Variants in PPP2R5C observed in about 807,000 individuals in gnomAD.
The protein encoded by PPP2R5C is serine/threonine-protein phosphatase 2A 56 kDa regulatory subunit gamma isoform.
Under a neutral mutation model 68.9 loss-of-function variants are expected in PPP2R5C, and 7 were observed. That is an observed-to-expected ratio of 0.10 (90% CI 0.06 to 0.19). PPP2R5C has a LOEUF of 0.19. PPP2R5C is among the 10% of genes least tolerant of loss of function. The pLI, the probability that PPP2R5C is intolerant of heterozygous loss-of-function variation, is 1.00. For missense variants in PPP2R5C, 348 were observed against 641.3 expected (o/e 0.54, Z 4.94); for synonymous variants, 210 against 222.2 (o/e 0.95, Z 0.49).
chr14:101,880,709 A>T (rs2044111430), intron 2 of PPP2R5C, among the ~76,000 whole-genome samples: 1 of 152,078 alleles, frequency 6.6e-6, no homozygotes, highest in Non-Finnish European at 1.5e-5. Context: ...GGGCAGGAGG[A>T]TCGTGTGAAC....
chr14:101,791,007 G>A (rs139505271), intron 3 of PPP2R5C, among the ~76,000 whole-genome samples: 1,989 of 151,552 alleles, frequency 0.013, 42 homozygotes, highest in African/African-American at 0.045. Context: ...TTGAACCTGG[G>A]AAGTGGAGGT....
intron 2 of PPP2R5C, among the ~76,000 whole-genome samples, chr14:101,871,457 A>T (rs2140779249): frequency 6.6e-6 from 1 of 152,088 alleles, no homozygotes; most frequent in African/African-American, 2.4e-5. Context: ...GTTAGCCAGG[A>T]TGGTCTCGAT....
rs1257483646 is a variant in PPP2R5C, at chr14:101,879,794, G to A, written c.295-2367G>A. The stretch of plus-strand genomic sequence containing the variant: ...TTCACGAATGCCACACTCCCCGTAG[G>A]AGCTAAAGACTCAATTCAGACTTTC... On this transcript the variant is annotated intron_variant, in intron 2 of 13. Transcript: ENST00000334743. This position sits in a 1 kb window ranked among gnomAD's most constrained non-coding sequence, Gnocchi z 4.2. Among the ~76,000 whole-genome samples, 2 of 152,240 alleles carry A rather than the reference G, an allele frequency of 1.3e-5. No homozygotes were observed. Among genetic ancestry groups the A allele is most frequent in the African/African-American group, 4.8e-5 (2 of 41,460 alleles).
rs138414126 is a variant in PPP2R5C at position 101,916,232 on chromosome 14, C to T, written c.1327-1599C>T. On this transcript the variant is annotated intron_variant, in intron 12 of 13. Transcript: ENST00000334743. This position sits in a 1 kb window ranked among gnomAD's most constrained non-coding sequence, Gnocchi z 5.5. The stretch of plus-strand genomic sequence containing the variant: ...GATGTGTGGAGATCGTGGTGCTGGG[C>T]GGAGCTGTGGGAGTGAAGGCACAGG... Among the ~76,000 whole-genome samples, 138 of 152,102 alleles carry T rather than the reference C, an allele frequency of 9.1e-4. No homozygotes were observed. Among genetic ancestry groups the T allele is most frequent in the Non-Finnish European group, 1.7e-3 (114 of 67,984 alleles).
At chr14:101,815,815 G>GCC (rs1433505626) in intron 1 of PPP2R5C, among the ~76,000 whole-genome samples, 1 of 152,134 alleles carries the variant, frequency 6.6e-6, no homozygotes, top group Non-Finnish European at 1.5e-5. Context: ...GATTACAGGT[G>GCC]CATGCCACCA....
rs111842394 is a variant in PPP2R5C at position 101,899,092 on chromosome 14, T to C, written c.853-2627T>C. Among the ~76,000 whole-genome samples, 451 of 152,334 alleles carry C rather than the reference T, an allele frequency of 3.0e-3. No homozygotes were observed. The highest frequency in any genetic ancestry group is 0.01 in the African/African-American group (421 of 41,570). Reference sequence around the variant, plus strand: ...GTGTTGCCCCATTTGTAGCCTGTAATTAGTATTTTTCATTTGCTAATTGTG... The same window carrying C: ...GTGTTGCCCCATTTGTAGCCTGTAACTAGTATTTTTCATTTGCTAATTGTG... On this transcript the variant is annotated intron_variant, in intron 8 of 13. Coordinates refer to ENST00000334743, the Ensembl canonical transcript of PPP2R5C. The surrounding 1 kb of genome is among the most constrained non-coding windows in gnomAD (Gnocchi z 4.2).
At chr14:101,760,653 G>C, upstream of PPP2R5C, 1 of 943,708 alleles carries the variant, frequency 1.1e-6, no homozygotes, top group Non-Finnish European at 1.3e-6. Flanking sequence ...ACTGCGGAGG[G>C]CGGGACCAAC....
upstream of PPP2R5C, among the ~76,000 whole-genome samples, chr14:101,806,242 A>C (rs1373405756): frequency 6.6e-6 from 1 of 151,792 alleles, no homozygotes; most frequent in Non-Finnish European, 1.5e-5. Flanking sequence ...TATTTGTCCA[A>C]ATGCTCTCCC....
intron 1 of PPP2R5C, chr14:101,839,615 G>A (rs1595339163): frequency 6.6e-6 from 1 of 152,368 alleles, no homozygotes; most frequent in African/African-American, 2.4e-5. Flanking sequence ...TGTCGTTTTA[G>A]TGAGGTTTCA....
intron 1 of PPP2R5C, among the ~76,000 whole-genome samples, chr14:101,828,283 CT>C (rs1383025891): frequency 6.6e-6 from 1 of 152,054 alleles, no homozygotes; most frequent in African/African-American, 2.4e-5. Flanking sequence ...ATGGGGAGTT[CT>C]TCTAGGATCA....
rs2046491857 is a variant in PPP2R5C at position 101,913,322 on chromosome 14, CAT to C, written c.1326+851_1326+852del. On this transcript the variant is annotated intron_variant, in intron 12 of 13. Coordinates refer to ENST00000334743, the Ensembl canonical transcript of PPP2R5C. This position sits in a 1 kb window ranked among gnomAD's most constrained non-coding sequence, Gnocchi z 4.1. ...TGTATTTCTTTTAGTGAGAGATATG[CAT>C]AGTTACCTAAGTTGGTTTTTAGATT... Among the ~76,000 whole-genome samples, 1 of 152,152 alleles carries C rather than the reference CAT, an allele frequency of 6.6e-6. No homozygotes were observed. Among genetic ancestry groups the C allele is most frequent in the Admixed American group, 6.5e-5 (1 of 15,278 alleles).
At chr14:101,834,852 C>CA (rs1325989580) in intron 1 of PPP2R5C, among the ~76,000 whole-genome samples, 2 of 152,196 alleles carry the variant, frequency 1.3e-5, no homozygotes, top group Admixed American at 6.5e-5. Flanking sequence ...CCTCAAATCT[C>CA]AGAGATTGAC....
chr14:101,888,886 C>T lies in PPP2R5C; in HGVS notation c.630-1351C>T, dbSNP rs1949841358. On this transcript the variant is annotated intron_variant, in intron 5 of 13. Coordinates refer to ENST00000334743, the Ensembl canonical transcript of PPP2R5C. This position sits in a 1 kb window ranked among gnomAD's most constrained non-coding sequence, Gnocchi z 5.6. The stretch of plus-strand genomic sequence containing the variant: ...GGATTACAGGCATGAGCCACTGTGC[C>T]CGGCCAGATTTCGGCTTTTCTAAGC... Among the ~76,000 whole-genome samples the T allele has an allele frequency of 6.6e-6, 1 of 152,188 alleles. No homozygotes were observed. Among genetic ancestry groups the T allele is most frequent in the African/African-American group, 2.4e-5 (1 of 41,442 alleles).
At chr14:101,799,935 T>A (rs1354027818) in intron 3 of PPP2R5C, among the ~76,000 whole-genome samples, 1 of 152,254 alleles carries the variant, frequency 6.6e-6, no homozygotes. Flanking sequence ...GGATTCTCCC[T>A]GCAGTGACTT....
intron 2 of PPP2R5C, among the ~76,000 whole-genome samples, chr14:101,857,489 CCT>C (rs1177886402): frequency 6.6e-6 from 1 of 152,126 alleles, no homozygotes; most frequent in East Asian, 1.9e-4. Context: ...GTCAGTGCTT[CCT>C]CTGTCATTCC....
At chr14:101,837,794 C>T (rs1205588532) in intron 1 of PPP2R5C, among the ~76,000 whole-genome samples, 7 of 152,158 alleles carry the variant, frequency 4.6e-5, no homozygotes, top group Admixed American at 4.6e-4. Flanking sequence ...TAAGCATGTA[C>T]ATTTATTATG....
intron 13 of PPP2R5C, among the ~76,000 whole-genome samples, chr14:101,924,312 T>G (rs967809932): frequency 1.3e-5 from 2 of 152,102 alleles, no homozygotes; most frequent in Non-Finnish European, 2.9e-5. Context: ...AAACCAAAAT[T>G]TCCTAGACTT....
chr14:101,919,993 C>CAAAAAAAAAAA (rs367834588), intron 13 of PPP2R5C, among the ~76,000 whole-genome samples: 1 of 117,478 alleles, frequency 8.5e-6, no homozygotes, highest in African/African-American at 3.6e-5. Context: ...AAAAAAAAAA[C>CAAAAAAAAAAA]CAATTCTTAC....
exon 14 of PPP2R5C, chr14:101,925,915 C>T (rs1231542157): frequency 6.6e-6 from 1 of 152,618 alleles, no homozygotes; most frequent in Non-Finnish European, 1.5e-5. Flanking sequence ...GCCATATTTC[C>T]AAGTCTGTGG....
Sources: allele counts gnomAD v4.1 joint callset (sites outside exome capture counted in the v4.1 genomes callset), GRCh38; gene constraint gnomAD v4.1.1; non-coding constraint Gnocchi (gnomAD v3.1); transcripts MANE v1.5; gene names NCBI Gene and HGNC (gene_info 2026-07-23, HGNC 2026-07-21).